Variants in SNX9 observed in about 807,000 individuals in gnomAD.
SNX9 encodes sorting nexin-9.
Under a neutral mutation model 89.4 loss-of-function variants are expected in SNX9, and 44 were observed. The ratio of observed to expected loss-of-function variants is 0.49; its 90% CI spans 0.39 to 0.63. SNX9 has a LOEUF of 0.63. SNX9 is among the 30% of genes least tolerant of loss of function. The pLI is 0.00. For missense variants in SNX9, 578 were observed against 736.1 expected (o/e 0.79, Z 2.49); for synonymous variants, 236 against 247.8 (o/e 0.95, Z 0.45).
At chr6:157,906,348 T>C (rs544723307) in intron 7 of SNX9, 136 bp downstream of exon 7, 1 of 638,764 alleles carries the variant, frequency 1.6e-6, no homozygotes, top group South Asian at 1.9e-5. Flanking sequence ...TGATAATATA[T>C]GTTAGTGTTG....
intron 9 of SNX9, among the ~76,000 whole-genome samples, chr6:157,920,437 C>T (rs1324639569): frequency 4.6e-5 from 7 of 152,326 alleles, no homozygotes; most frequent in Non-Finnish European, 8.8e-5. Context: ...GGAGAAGCTG[C>T]AGCTGCCCAT....
intron 1 of SNX9, among the ~76,000 whole-genome samples, chr6:157,844,606 T>TTTTG (rs2115116403): frequency 6.7e-6 from 1 of 150,234 alleles, no homozygotes; most frequent in African/African-American, 2.5e-5. Flanking sequence ...TTTTGTTTTT[T>TTTTG]TTTTTGAGAC....
intron 1 of SNX9, among the ~76,000 whole-genome samples, chr6:157,825,967 T>C (rs918203442): frequency 1.3e-5 from 2 of 152,034 alleles, no homozygotes; most frequent in African/African-American, 4.8e-5. Context: ...AAGTATTAAC[T>C]GATGAAAAGT....
At chr6:157,899,853 C>T (rs1783056980) in intron 5 of SNX9, among the ~76,000 whole-genome samples, 1 of 152,006 alleles carries the variant, frequency 6.6e-6, no homozygotes. Flanking sequence ...TTACTACAGC[C>T]AAGCGCTTAA....
At chr6:157,913,843 G>A (rs1231598989) in intron 9 of SNX9, among the ~76,000 whole-genome samples, 1 of 152,116 alleles carries the variant, frequency 6.6e-6, no homozygotes, top group Non-Finnish European at 1.5e-5. Flanking sequence ...TCTTTTCGTG[G>A]CCAATAGTAT....
At chr6:157,846,599 T>C (rs1781811430) in intron 1 of SNX9, among the ~76,000 whole-genome samples, 1 of 152,272 alleles carries the variant, frequency 6.6e-6, no homozygotes, top group South Asian at 2.1e-4. Context: ...ATAAAGTATT[T>C]AAATTCTTTA....
chr6:157,847,682 A>C (rs1033814063), intron 1 of SNX9, among the ~76,000 whole-genome samples: 2 of 152,022 alleles, frequency 1.3e-5, no homozygotes, highest in African/African-American at 4.8e-5. Context: ...GGAAGGAGGG[A>C]GGAAGCTTCA....
At chr6:157,923,805 G>A (rs9365587) in intron 10 of SNX9, among the ~76,000 whole-genome samples, 35,272 of 152,130 alleles carry the variant, frequency 0.23, 4,262 homozygotes, top group African/African-American at 0.28. Flanking sequence ...GGCACTGGGC[G>A]TAGTAGGCAA....
intron 4 of SNX9, among the ~76,000 whole-genome samples, chr6:157,890,270 C>G (rs910188698): frequency 3.9e-5 from 6 of 152,218 alleles, no homozygotes; most frequent in African/African-American, 1.2e-4. Context: ...TCCCCCACCC[C>G]TCGTGGCCAT....
At chr6:157,878,461 G>A (rs34403283) in intron 4 of SNX9, among the ~76,000 whole-genome samples, 9,021 of 145,772 alleles carry the variant, frequency 0.062, 303 homozygotes, top group South Asian at 0.1. Context: ...ACGGAGTCTC[G>A]CTCAGTCGCT....
chr6:157,931,430 T>C (rs2115208041), intron 12 of SNX9, among the ~76,000 whole-genome samples: 1 of 152,344 alleles, frequency 6.6e-6, no homozygotes, highest in African/African-American at 2.4e-5. Flanking sequence ...AATGGTTTCT[T>C]TTGAAAGGCA....
At chr6:157,827,438 ATATATTATAGTTTATATAATATATAAACT>A (rs1781390668) in intron 1 of SNX9, among the ~76,000 whole-genome samples, 6 of 6,558 alleles carry the variant, frequency 9.1e-4, no homozygotes, top group Non-Finnish European at 1.3e-3. Flanking sequence ...ATATATAAAC[ATATATTATAGTTTATATAATATATAAACT>A]TATAGTTTAT....
chr6:157,866,320 A>G (rs11966731), intron 1 of SNX9, among the ~76,000 whole-genome samples: 3,115 of 152,296 alleles, frequency 0.02, 98 homozygotes, highest in African/African-American at 0.071. Context: ...ATAGTGGCTC[A>G]CACCTGTAAC....
At chr6:157,921,778 T>G (rs1337503055) in intron 10 of SNX9, 117 bp downstream of exon 10, 9 of 1,183,842 alleles carry the variant, frequency 7.6e-6, no homozygotes, top group Non-Finnish European at 1.1e-5. Context: ...CTTCCTCCAG[T>G]GACAGTGAGG....
At chr6:157,912,041 C>G (rs533047737) in intron 9 of SNX9, among the ~76,000 whole-genome samples, 1 of 152,260 alleles carries the variant, frequency 6.6e-6, no homozygotes, top group East Asian at 1.9e-4. Context: ...ACTGACCGAA[C>G]CCCTGCTTCT....
chr6:157,858,224 C>T lies in SNX9; in HGVS notation c.13-9323C>T, dbSNP rs191837094. ...GCCAGAGTAAGCACATGAACTCGTC[C>T]GGAGTCTTTTTTCTTTTTCTTTTTT... On this transcript the variant is annotated intron_variant, in intron 1 of 17. Coordinates refer to ENST00000392185, the MANE Select transcript of SNX9 (RefSeq NM_016224.5). Among the ~76,000 whole-genome samples the T allele has an allele frequency of 1.0e-3, 152 of 151,514 alleles. 1 individual carries two copies. In the Middle Eastern group the frequency reaches 0.02, roughly 20 times the overall value.
chr6:157,861,920 C>T (rs1782134638), intron 1 of SNX9, among the ~76,000 whole-genome samples: 1 of 152,104 alleles, frequency 6.6e-6, no homozygotes, highest in African/African-American at 2.4e-5. Context: ...CACTGCCATA[C>T]CTGATAGTCA....
rs1781394153 is a variant in SNX9 at position 157,827,481 on chromosome 6, A to ATATATAAACTTATAGTTTATATAT, written c.12+4058_12+4059insTTATATAAACTTATAGTTTATATA. Among the ~76,000 whole-genome samples, 6 of 22,902 alleles carry ATATATAAACTTATAGTTTATATAT rather than the reference A, an allele frequency of 2.6e-4. 3 individuals carry two copies. Among genetic ancestry groups the ATATATAAACTTATAGTTTATATAT allele is most frequent in the Non-Finnish European group, 3.6e-4 (6 of 16,524 alleles). The allele number at this position is 22,902 out of a possible 152,430, so 15.0% of individuals were successfully genotyped here. On this transcript the variant is annotated intron_variant, in intron 1 of 17. Coordinates refer to ENST00000392185, the MANE Select transcript of SNX9 (RefSeq NM_016224.5). ...AATATATAAACTTATAGTTTATATA[A>ATATATAAACTTATAGTTTATATAT]TATATAAACTTATAGTTTATATAAT... is the stretch of plus-strand genomic sequence containing the variant.
intron 9 of SNX9, among the ~76,000 whole-genome samples, chr6:157,917,710 T>C (rs1166124540): frequency 6.6e-6 from 1 of 152,166 alleles, no homozygotes; most frequent in Non-Finnish European, 1.5e-5. Flanking sequence ...CATCTCTAGA[T>C]TAATTATAAT....
Sources: allele counts gnomAD v4.1 joint callset (sites outside exome capture counted in the v4.1 genomes callset), GRCh38; gene constraint gnomAD v4.1.1; transcripts MANE v1.5; gene names NCBI Gene and HGNC (gene_info 2026-07-23, HGNC 2026-07-21).